Variants in CBL observed in about 807,000 individuals in gnomAD.
CBL encodes the protein E3 ubiquitin-protein ligase CBL.
A neutral mutation model predicts 96.9 loss-of-function variants in CBL; 45 were observed. That is an observed-to-expected ratio of 0.46 (90% CI 0.37 to 0.60). The LOEUF (loss-of-function observed/expected upper bound fraction) is 0.60. CBL is among the 20% of genes least tolerant of loss of function. The pLI, the probability that CBL is intolerant of heterozygous loss-of-function variation, is 0.00. For synonymous variants in CBL, 420 were observed against 426.8 expected, an observed-to-expected ratio of 0.98 and a Z score of 0.20; for missense variants, 1,024 against 1,143.5, an observed-to-expected ratio of 0.90 and a Z score of 1.51.
chr11:119,228,019 A>T (rs193059759), intron 1 of CBL, among the ~76,000 whole-genome samples: 1 of 151,626 alleles, frequency 6.6e-6, no homozygotes, highest in Non-Finnish European at 1.5e-5. Flanking sequence ...TACAGCCTCC[A>T]TATGTACAAA....
chr11:119,212,452 C>G (rs1949325840), intron 1 of CBL, among the ~76,000 whole-genome samples: 1 of 150,046 alleles, frequency 6.7e-6, no homozygotes, highest in South Asian at 2.1e-4. Context: ...ATGGAGAAAC[C>G]CTGTCTCTAC....
chr11:119,220,076 C>T (rs896111661), intron 1 of CBL, among the ~76,000 whole-genome samples: 1 of 152,166 alleles, frequency 6.6e-6, no homozygotes, highest in South Asian at 2.1e-4. Flanking sequence ...TCTCGAACTC[C>T]TGACCTTGTG....
chr11:119,278,333 A>AATT (rs1565872272), intron 8 of CBL, 36 bp downstream of exon 8: 2 of 1,612,798 alleles, frequency 1.2e-6, no homozygotes, highest in Admixed American at 3.3e-5. Context: ...TCAGCTATGT[A>AATT]ATAACCTTGG....
intron 5 of CBL, among the ~76,000 whole-genome samples, 197 bp from the exon 6 acceptor site, chr11:119,275,797 GGCT>G (rs1255978030): frequency 2.6e-5 from 4 of 152,190 alleles, no homozygotes; most frequent in Admixed American, 2.0e-4. Context: ...AGGAGGTGGA[GGCT>G]GCAGTGAGCT....
In CBL at chr11:119,211,949, C is replaced by T. The variant is rs552995996; in HGVS notation, c.195+5337C>T. Among the ~76,000 whole-genome samples the T allele has an allele frequency of 2.6e-5, 4 of 151,570 alleles. No homozygotes were observed. The South Asian group carries it at 8.3e-4, about 32-fold the overall frequency. ...TTTTATTATTTTTGAGATGGAGTTC[C>T]ACTATTGTTGCCCAGACTGGAGTGC... On this transcript the variant is annotated intron_variant, in intron 1 of 15. Coordinates refer to ENST00000264033, the MANE Select transcript of CBL (RefSeq NM_005188.4).
intron 9 of CBL, among the ~76,000 whole-genome samples, chr11:119,280,405 TTGAG>T (rs1387546750): frequency 6.6e-6 from 1 of 152,240 alleles, no homozygotes; most frequent in Non-Finnish European, 1.5e-5. Context: ...GTAAAATAAT[TTGAG>T]TGAAAATATT....
intron 2 of CBL, among the ~76,000 whole-genome samples, chr11:119,242,756 A>AG (rs1423427489): frequency 3.3e-5 from 5 of 151,232 alleles, no homozygotes; most frequent in Admixed American, 1.3e-4. Flanking sequence ...AAAAAAAAAA[A>AG]AAAAAGAAAC....
rs1949763129 is a variant in CBL, at chr11:119,262,653, T to TA, written c.444-9079dup. On this transcript the variant is annotated intron_variant, in intron 2 of 15. Coordinates refer to ENST00000264033, the MANE Select transcript of CBL (RefSeq NM_005188.4). ...CCAGTGTGACCAGGGTTGCAGGGGA[T>TA]AAAGTGTGTAAGAGATACTTTCCCT... Among the ~76,000 whole-genome samples, 5 of 152,344 alleles carry TA rather than the reference T, an allele frequency of 3.3e-5. No homozygotes were observed. In the South Asian group the frequency reaches 8.3e-4, roughly 25 times the overall value.
At chr11:119,260,036 T>C (rs1434635744) in intron 2 of CBL, among the ~76,000 whole-genome samples, 2 of 152,136 alleles carry the variant, frequency 1.3e-5, no homozygotes, top group South Asian at 2.1e-4. Context: ...TATTCACAAA[T>C]CTGTTTTCCC....
Position 119,285,447 on chromosome 11 carries a change from C to A in CBL, c.1822C>A (p.Pro608Thr), listed in dbSNP as rs763666786. The A allele has an allele frequency of 8.7e-6, 14 of 1,614,094 alleles. No individual in the cohort carries two copies. Among genetic ancestry groups the A allele is most frequent in the Non-Finnish European group, 1.2e-5 (14 of 1,180,054 alleles). Residue 608 changes from proline (P) to threonine (T), a missense_variant, in exon 11 of 16, where the codon CCC becomes ACC. Physicochemically the swap from Pro to Thr is conservative, Grantham distance 38. Around this residue, in one of 4 missense-constraint regions of CBL, gnomAD observed 695 missense variants for 661.6 expected, o/e 1.05. Transcript: ENST00000264033. The part of the protein sequence containing the change: ...VPVSAPSSSD[P>T]WTGRELTNRH... The stretch of plus-strand genomic sequence containing the variant: ...AGTATCTGCCCCAAGTTCCAGTGAT[C>A]CCTGGACAGGAAGAGAATTAACCAA...
chr11:119,283,625 C>CTTTTTTATTTTTT (rs1949955276), intron 9 of CBL, among the ~76,000 whole-genome samples: 1 of 45,512 alleles, frequency 2.2e-5, no homozygotes, highest in Non-Finnish European at 4.1e-5. Flanking sequence ...TTAATTCTTT[C>CTTTTTTATTTTTT]TTTTTTTTTT....
intron 1 of CBL, among the ~76,000 whole-genome samples, chr11:119,213,935 ATCTTTTCTTT>A (rs1036585501): frequency 6.8e-6 from 1 of 147,964 alleles, no homozygotes; most frequent in Non-Finnish European, 1.5e-5. Flanking sequence ...GGGGGCATTC[ATCTTTTCTTT>A]TCTTTTCTTT....
intron 1 of CBL, among the ~76,000 whole-genome samples, chr11:119,213,036 A>G (rs1303891697): frequency 6.6e-6 from 1 of 151,854 alleles, no homozygotes; most frequent in Non-Finnish European, 1.5e-5. Flanking sequence ...GCTGGTCTCA[A>G]ACTCTTGAGC....
intron 1 of CBL, among the ~76,000 whole-genome samples, chr11:119,213,470 G>A (rs1949334428): frequency 6.6e-6 from 1 of 152,136 alleles, no homozygotes; most frequent in South Asian, 2.1e-4. Context: ...TGTGTGAAAT[G>A]TGTCAATATT....
At chr11:119,251,327 G>T (rs1949668338) in intron 2 of CBL, among the ~76,000 whole-genome samples, 1 of 151,956 alleles carries the variant, frequency 6.6e-6, no homozygotes, top group African/African-American at 2.4e-5. Flanking sequence ...ATTAACATAC[G>T]TTTACCAGCC....
intron 12 of CBL, chr11:119,289,446 T>G (rs1351138027): frequency 6.6e-6 from 1 of 152,186 alleles, no homozygotes. Flanking sequence ...GTAGTTCTAT[T>G]TCTTGCCTGC....
At chr11:119,291,030 AT>A (rs1196009191) in intron 12 of CBL, among the ~76,000 whole-genome samples, 1 of 152,054 alleles carries the variant, frequency 6.6e-6, no homozygotes, top group Non-Finnish European at 1.5e-5. Context: ...TAAAAATATC[AT>A]TCCACTCTCT....
At chr11:119,297,285 TATTAG>T in intron 13 of CBL, 94 bp from the exon 14 acceptor site, 6 of 975,760 alleles carry the variant, frequency 6.1e-6, no homozygotes, top group Non-Finnish European at 9.9e-6. Context: ...CTTTAACATT[TATTAG>T]TGATATTGGC....
chr11:119,211,577 C>A (rs1949319513), intron 1 of CBL, among the ~76,000 whole-genome samples: 4 of 151,398 alleles, frequency 2.6e-5, no homozygotes, highest in Non-Finnish European at 2.9e-5. Flanking sequence ...CATCTCAGCT[C>A]ACTGCAACCT....
Sources: allele counts gnomAD v4.1 joint callset (sites outside exome capture counted in the v4.1 genomes callset), GRCh38; gene constraint gnomAD v4.1.1; regional missense constraint gnomAD v4.1.1; transcripts MANE v1.5; gene names NCBI Gene and HGNC (gene_info 2026-07-23, HGNC 2026-07-21).